SINHCAF: variants seen among roughly 807,000 people sequenced by gnomAD.
SINHCAF encodes SIN3-HDAC complex-associated factor.
A neutral mutation model predicts 25.8 loss-of-function variants in SINHCAF; 3 were observed. The observed-to-expected ratio is 0.12, with a 90% CI of 0.05 to 0.30. SINHCAF has a LOEUF of 0.30. Among genes scored for constraint, SINHCAF ranks in the 10% least tolerant of loss-of-function variants. The pLI is 1.00. For missense variants in SINHCAF, 121 were observed against 262.3 expected (o/e 0.46, Z 3.72); for synonymous variants, 70 against 85.5 (o/e 0.82, Z 1.00).
intron 1 of SINHCAF, among the ~76,000 whole-genome samples, chr12:31,308,743 C>T (rs1242512021): frequency 6.6e-6 from 1 of 152,024 alleles, no homozygotes; most frequent in Non-Finnish European, 1.5e-5. Flanking sequence ...CCAAGTATAC[C>T]GTCATTCTCT....
At chr12:31,309,127 C>CAAAAAAAAAAAAAAAAAAAAAAAAAAA in intron 1 of SINHCAF, among the ~76,000 whole-genome samples, 1 of 75,420 alleles carries the variant, frequency 1.3e-5, no homozygotes, top group Non-Finnish European at 2.6e-5. Context: ...GATTCTGTCT[C>CAAAAAAAAAAAAAAAAAAAAAAAAAAA]AAAAAAAAAA....
Position 31,282,891 on chromosome 12 carries a change from AC to A in SINHCAF, c.507-21del, listed in dbSNP as rs780197102. 2.1e-4 allele frequency: 322 copies of A among 1,563,342 alleles called. 4 individuals are homozygous for A. The Admixed American group carries it at 6.3e-3, about 31-fold the overall frequency. The stretch of plus-strand genomic sequence containing the variant: ...TTCTGTCTAAAAGAAAAAATGGAGA[AC>A]AAGATACATTAATAAGGAAGAAAAA... On this transcript the variant is annotated intron_variant, in intron 5 of 5. Coordinates refer to ENST00000337682, the MANE Select transcript of SINHCAF (RefSeq NM_001135812.2).
chr12:31,324,565 C>T lies in SINHCAF; in HGVS notation c.-21+1459G>A, dbSNP rs949875362. The T allele has an allele frequency of 5.7e-6, 1 of 173,956 alleles. No homozygotes were observed. Among genetic ancestry groups the T allele is most frequent in the Admixed American group, 6.0e-5 (1 of 16,804 alleles). The allele number at this position is 173,956 out of a possible 1,614,324, so 10.8% of individuals were successfully genotyped here. The stretch of plus-strand genomic sequence containing the variant: ...GGACAAAAGCCCCTCCCGAAACTCG[C>T]CCGAACTTCGAGGGCCTCCGACCTG... On this transcript the variant is annotated intron_variant, in intron 1 of 5. Coordinates refer to ENST00000337682, the MANE Select transcript of SINHCAF (RefSeq NM_001135812.2). The surrounding 1 kb of genome is among the most constrained non-coding windows in gnomAD (Gnocchi z 5.5).
intron 1 of SINHCAF, among the ~76,000 whole-genome samples, chr12:31,322,343 TCAAA>T (rs1378768063): frequency 6.6e-6 from 1 of 152,160 alleles, no homozygotes; most frequent in Non-Finnish European, 1.5e-5. Flanking sequence ...GAAAAACAAC[TCAAA>T]CAATCTCAGC....
At chr12:31,317,814 T>C (rs1421030957) in intron 1 of SINHCAF, among the ~76,000 whole-genome samples, 1 of 151,948 alleles carries the variant, frequency 6.6e-6, no homozygotes, top group Non-Finnish European at 1.5e-5. Context: ...CAGAGCAGAA[T>C]GGGAAGGAAA....
chr12:31,296,495 C>T (rs1938556991), intron 2 of SINHCAF, among the ~76,000 whole-genome samples: 1 of 151,940 alleles, frequency 6.6e-6, no homozygotes, highest in African/African-American at 2.4e-5. Flanking sequence ...TATCAAAATG[C>T]TAACCTTTGG....
intron 1 of SINHCAF, among the ~76,000 whole-genome samples, chr12:31,317,155 C>T (rs1448616344): frequency 6.6e-6 from 1 of 152,142 alleles, no homozygotes; most frequent in East Asian, 1.9e-4. Flanking sequence ...GAGCAATAGT[C>T]AAACGTGGTA....
chr12:31,319,355 C>G (rs555701209), intron 1 of SINHCAF, among the ~76,000 whole-genome samples: 1 of 152,082 alleles, frequency 6.6e-6, no homozygotes, highest in Non-Finnish European at 1.5e-5. Context: ...GGTGAAACAC[C>G]GTTTCTACTA....
Position 31,314,283 on chromosome 12 carries a change from T to A in SINHCAF, c.-21+11741A>T, listed in dbSNP as rs191600846. Among the ~76,000 whole-genome samples the A allele has an allele frequency of 3.1e-3, 477 of 151,720 alleles. 1 individual carries two copies. Among genetic ancestry groups the A allele is most frequent in the South Asian group, 6.3e-3 (30 of 4,798 alleles). ...GCTCACGCCTGTAATCCCAGCAGTT[T>A]AGGAGGCGAGGCGGGCGGATCACGA... On this transcript the variant is annotated intron_variant, in intron 1 of 5. Coordinates refer to ENST00000337682, the MANE Select transcript of SINHCAF (RefSeq NM_001135812.2).
chr12:31,322,788 A>G (rs1378823696), intron 1 of SINHCAF, among the ~76,000 whole-genome samples: 2 of 152,230 alleles, frequency 1.3e-5, no homozygotes, highest in East Asian at 3.8e-4. Context: ...GGCCTTACAC[A>G]TGATTCAAAT....
chr12:31,309,666 T>A (rs1489476210), intron 1 of SINHCAF, among the ~76,000 whole-genome samples: 1 of 144,240 alleles, frequency 6.9e-6, no homozygotes, highest in Non-Finnish European at 1.5e-5. Context: ...AACTTGTGAT[T>A]TTTTTTTTTT....
At chr12:31,321,366 T>G (rs1439488602) in intron 1 of SINHCAF, among the ~76,000 whole-genome samples, 1 of 152,214 alleles carries the variant, frequency 6.6e-6, no homozygotes, top group Non-Finnish European at 1.5e-5. Context: ...AAGGGCAGTG[T>G]CTTCCCAGAA....
At chr12:31,295,532 T>C (rs1938512928) in intron 2 of SINHCAF, among the ~76,000 whole-genome samples, 199 bp from the exon 3 acceptor site, 3 of 152,218 alleles carry the variant, frequency 2.0e-5, no homozygotes, top group Non-Finnish European at 4.4e-5. Context: ...ACCAATTCTA[T>C]GTACGGCAAT....
rs1201324928 is a variant in SINHCAF at position 31,325,216 on chromosome 12, G to A, written c.-21+808C>T. ...GGTGTCGCCCACACCTACGCTACAG[G>A]TGAACGCACCGGGAGCAAAACTTCG... is the stretch of plus-strand genomic sequence containing the variant. On this transcript the variant is annotated intron_variant, in intron 1 of 5. Coordinates refer to ENST00000337682, the MANE Select transcript of SINHCAF (RefSeq NM_001135812.2). The surrounding 1 kb of genome is among the most constrained non-coding windows in gnomAD (Gnocchi z 5.9). 3 of 456,804 alleles carry A rather than the reference G, an allele frequency of 6.6e-6. No homozygotes were observed. The highest frequency in any genetic ancestry group is 6.9e-5 in the East Asian group (1 of 14,394). 28.3% of individuals were successfully genotyped at this position (456,804 alleles called of 1,614,324 possible).
At chr12:31,305,749 G>C (rs1463979331) in intron 1 of SINHCAF, among the ~76,000 whole-genome samples, 1 of 149,344 alleles carries the variant, frequency 6.7e-6, no homozygotes, top group African/African-American at 2.5e-5. Context: ...ACCTAGGCTG[G>C]AGTGCAGTGG....
intron 1 of SINHCAF, 174 bp from the exon 2 acceptor site, chr12:31,298,398 C>A: frequency 1.6e-6 from 1 of 623,554 alleles, no homozygotes; most frequent in Non-Finnish European, 2.8e-6. Context: ...ACTATCAAGG[C>A]AAGCGTATAA....
rs571309520 is a variant in SINHCAF, at chr12:31,311,961, CT to C, written c.-20-13738del. ...GCCTTTTGATTGGTCCTGGGTGCCC[CT>C]GATACTTTGTTTATGGTAGCCTTTC... On this transcript the variant is annotated intron_variant, in intron 1 of 5. Coordinates refer to ENST00000337682, the MANE Select transcript of SINHCAF (RefSeq NM_001135812.2). 1.0e-3 allele frequency: 677 copies of C among 665,972 alleles called. 1 individual carries two copies. The highest frequency in any genetic ancestry group is 1.3e-3 in the Non-Finnish European group (489 of 374,110). The allele number at this position is 665,972 out of a possible 1,614,324, so 41.3% of individuals were successfully genotyped here.
At chr12:31,283,423 C>T (rs1329772441) in intron 5 of SINHCAF, among the ~76,000 whole-genome samples, 1 of 151,650 alleles carries the variant, frequency 6.6e-6, no homozygotes, top group Non-Finnish European at 1.5e-5. Flanking sequence ...GCCAACATGG[C>T]GAAACCCCAT....
chr12:31,322,479 T>C (rs546134904), intron 1 of SINHCAF, among the ~76,000 whole-genome samples: 8 of 152,332 alleles, frequency 5.3e-5, no homozygotes, highest in Admixed American at 3.3e-4. Context: ...TTCTATTTAA[T>C]ACAGAAATGT....
Sources: gnomAD v4.1 joint callset for allele counts (sites outside exome capture counted in the v4.1 genomes callset) on GRCh38, gnomAD v4.1.1 for gene constraint, Gnocchi (gnomAD v3.1) non-coding constraint, MANE v1.5 for transcripts, NCBI Gene and HGNC (gene_info 2026-07-23, HGNC 2026-07-21) for gene names.